SRPRB: variants seen among roughly 807,000 people sequenced by gnomAD.
SRPRB encodes the protein signal recognition particle receptor subunit beta.
SRPRB carries 20 observed loss-of-function variants against 31.9 expected under a neutral mutation model. The observed-to-expected ratio is 0.63, with a 90% CI of 0.44 to 0.91. The LOEUF is 0.91. Among genes scored for constraint, SRPRB ranks in the 40% least tolerant of loss-of-function variants. SRPRB has a pLI of 0.00. For missense variants in SRPRB, 321 were observed against 324.9 expected (o/e 0.99, Z 0.09); for synonymous variants, 146 against 132.8 (o/e 1.10, Z -0.68).
intron 1 of SRPRB, chr3:133,786,222 T>TTAAAAAAAAA (rs59954827): frequency 2.4e-5 from 2 of 84,350 alleles, no homozygotes; most frequent in Non-Finnish European, 4.8e-5. Context: ...AAAAATAAAT[T>TTAAAAAAAAA]AAAAAAAAAA....
rs765463225 is a variant in SRPRB at position 133,807,733 on chromosome 3, GT to G, written c.250-5del. The G allele has an allele frequency of 1.1e-5, 17 of 1,589,982 alleles. No individual in the cohort carries two copies. Among genetic ancestry groups the G allele is most frequent in the Admixed American group, 1.7e-5 (1 of 58,842 alleles). Reference sequence around the variant, plus strand: ...TAAAATGTTGAATATCACCCATCTTGTTTTTTTTACAGTTGTTAACAGGCCT... The same window carrying G: ...TAAAATGTTGAATATCACCCATCTTGTTTTTTTACAGTTGTTAACAGGCCT... On this transcript the variant is annotated splice_polypyrimidine_tract_variant and intron_variant, in intron 2 of 6. Transcript: ENST00000678299.
rs116767565 is a variant in SRPRB at position 133,810,861 on chromosome 3, G to A, written c.328-256G>A. 2.7e-3 allele frequency: 971 copies of A among 354,222 alleles called. 6 individuals are homozygous for A. Among genetic ancestry groups the A allele is most frequent in the African/African-American group, 0.018 (845 of 46,972 alleles). 21.9% of individuals were successfully genotyped at this position (354,222 alleles called of 1,614,324 possible). ...TCCTGTACCCTCAAAACATTTATCA[G>A]TGTTCTCATTTTATATTTATGTGTA... On this transcript the variant is annotated intron_variant, in intron 3 of 6. Coordinates refer to ENST00000678299, the MANE Select transcript of SRPRB (RefSeq NM_001379313.1).
intron 3 of SRPRB, among the ~76,000 whole-genome samples, chr3:133,808,947 CTT>C (rs1443600984): frequency 6.6e-6 from 1 of 150,850 alleles, no homozygotes; most frequent in Non-Finnish European, 1.5e-5. Context: ...ACCTCTGTAA[CTT>C]CAGAATGTAG....
chr3:133,818,524 C>G (rs1935405426), intron 6 of SRPRB, among the ~76,000 whole-genome samples: 1 of 152,140 alleles, frequency 6.6e-6, no homozygotes, highest in Non-Finnish European at 1.5e-5. Context: ...CATAGTCTCT[C>G]AATAACACGG....
upstream of SRPRB, among the ~76,000 whole-genome samples, chr3:133,803,459 A>G (rs576651118): frequency 6.6e-6 from 1 of 152,308 alleles, no homozygotes; most frequent in East Asian, 1.9e-4. Flanking sequence ...ATGATTTGGC[A>G]TCTGTTGATC....
intron 1 of SRPRB, chr3:133,788,808 C>T (rs1166615917): frequency 6.6e-6 from 1 of 152,218 alleles, no homozygotes; most frequent in Non-Finnish European, 1.5e-5. Context: ...ACTTGCAGCT[C>T]AGGGTGAACT....
intron 4 of SRPRB, among the ~76,000 whole-genome samples, chr3:133,812,044 A>G (rs1229082152): frequency 6.6e-6 from 1 of 152,212 alleles, no homozygotes; most frequent in African/African-American, 2.4e-5. Context: ...TCTAACATTA[A>G]TAAGAACTGA....
chr3:133,787,976 C>G (rs1934729512), intron 1 of SRPRB: 2 of 152,114 alleles, frequency 1.3e-5, no homozygotes, highest in South Asian at 4.1e-4. Flanking sequence ...GGGCCCATAT[C>G]CACCAGGTTG....
downstream of SRPRB, chr3:133,824,421 G>GAGA (rs1247180880): frequency 6.6e-6 from 1 of 152,268 alleles, no homozygotes; most frequent in African/African-American, 2.4e-5. Flanking sequence ...AAAGTGAGGG[G>GAGA]AGAAGTGGAC....
At chr3:133,814,330 G>A (rs915373283) in intron 4 of SRPRB, among the ~76,000 whole-genome samples, 11 of 152,010 alleles carry the variant, frequency 7.2e-5, no homozygotes, top group Non-Finnish European at 1.5e-5. Flanking sequence ...ACAGGGTTTC[G>A]CCGTGTTAGC....
upstream of SRPRB, among the ~76,000 whole-genome samples, chr3:133,803,194 C>A (rs1362288463): frequency 2.6e-5 from 4 of 151,722 alleles, no homozygotes; most frequent in Non-Finnish European, 5.9e-5. Context: ...TTTTTCCTCT[C>A]AAGTCATAGT....
chr3:133,827,757 C>CT (rs1238591493), downstream of SRPRB: 2 of 106,034 alleles, frequency 1.9e-5, no homozygotes, highest in Non-Finnish European at 4.9e-5. Context: ...CCCCCCCCCC[C>CT]CCCCGCCTCC....
chr3:133,797,829 T>C (rs979502903), intron 1 of SRPRB, among the ~76,000 whole-genome samples: 1 of 152,244 alleles, frequency 6.6e-6, no homozygotes, highest in Admixed American at 6.5e-5. Flanking sequence ...AATGTCCTTT[T>C]GTTAGTTTTT....
At chr3:133,811,587 TG>T (rs1162962592) in intron 4 of SRPRB, among the ~76,000 whole-genome samples, 1 of 130,092 alleles carries the variant, frequency 7.7e-6, no homozygotes, top group African/African-American at 2.9e-5. Context: ...AGTGTTTTTT[TG>T]TTTTTTTTTT....
At chr3:133,806,558 T>C (rs765376827) in intron 1 of SRPRB, 51 bp from the exon 2 acceptor site, 4 of 1,451,896 alleles carry the variant, frequency 2.8e-6, no homozygotes, top group Admixed American at 3.4e-5. Flanking sequence ...CATGCACATA[T>C]ACTGATTCCC....
rs765785439 is a variant in SRPRB at position 133,805,832 on chromosome 3, GA to G, written c.-16del. 2 of 1,599,952 alleles carry G rather than the reference GA, an allele frequency of 1.3e-6. No individual in the cohort carries two copies. Among genetic ancestry groups the G allele is most frequent in the Admixed American group, 3.4e-5 (2 of 58,538 alleles). ...GCCACGTCGCTTTTGCTGTACCGGG[GA>G]CCACGCGTCTCATCCATGGCTTCCG... On this transcript the variant is annotated 5_prime_UTR_variant, in exon 1 of 7. Coordinates refer to ENST00000678299, the MANE Select transcript of SRPRB (RefSeq NM_001379313.1).
At chr3:133,787,844 A>G (rs1424605265) in intron 1 of SRPRB, 3 of 152,248 alleles carry the variant, frequency 2.0e-5, no homozygotes, top group Non-Finnish European at 4.4e-5. Context: ...GAGGTTGCCA[A>G]TGTATGACAA....
At chr3:133,802,738 G>A (rs1935080585), upstream of SRPRB, among the ~76,000 whole-genome samples, 4 of 151,778 alleles carry the variant, frequency 2.6e-5, no homozygotes, top group South Asian at 8.3e-4. Context: ...ATTTATTCCT[G>A]ACTCCCAAAT....
At chr3:133,795,515 G>A (rs1934944064) in intron 1 of SRPRB, 1 of 151,654 alleles carries the variant, frequency 6.6e-6, no homozygotes, top group African/African-American at 2.4e-5. Context: ...GCTAAGTAAG[G>A]CCCTAAGTTT....
Sources: allele counts gnomAD v4.1 joint callset (sites outside exome capture counted in the v4.1 genomes callset), GRCh38; gene constraint gnomAD v4.1.1; transcripts MANE v1.5; gene names NCBI Gene and HGNC (gene_info 2026-07-23, HGNC 2026-07-21).